PIK3C3: variants seen among roughly 807,000 people sequenced by gnomAD.
The protein encoded by PIK3C3 is PI3-kinase type 3.
A neutral mutation model predicts 126.1 loss-of-function variants in PIK3C3; 95 were observed. The ratio of observed to expected loss-of-function variants is 0.75; its 90% confidence interval spans 0.64 to 0.89. PIK3C3 has a LOEUF of 0.89. Ranked by LOEUF, PIK3C3 falls within the 40% of genes least tolerant of loss-of-function variation. The probability of loss-of-function intolerance (pLI) is 0.00; values close to 1 mark genes in which losing one functional copy is unlikely to be tolerated. For missense variants in PIK3C3, 829 were observed against 1,063.2 expected (o/e 0.78, Z 3.06); for synonymous variants, 374 against 360.0 (o/e 1.04, Z -0.44).
chr18:41,976,241 C>T (rs1980915217), intron 4 of PIK3C3, among the ~76,000 whole-genome samples: 1 of 152,026 alleles, frequency 6.6e-6, no homozygotes, highest in Admixed American at 6.5e-5. Flanking sequence ...TCTATTGCAT[C>T]AAATGGGTAC....
In PIK3C3 at chr18:42,049,623, CCAGTAGACATA is replaced by C; in HGVS notation, c.2263+21_2263+31del. The C allele has an allele frequency of 6.4e-7, 1 of 1,553,746 alleles. No homozygotes were observed. The highest frequency in any genetic ancestry group is 8.9e-7 in the Non-Finnish European group (1 of 1,125,092). ...AAAAACAGGTAACAATTAATGACTA[CCAGTAGACATA>C]CATTGTATATGCCCATGGTTTTTAC... On this transcript the variant is annotated intron_variant, in intron 21 of 24. Transcript: ENST00000262039.
intron 9 of PIK3C3, among the ~76,000 whole-genome samples, chr18:41,999,847 A>G (rs143021208): frequency 8.1e-4 from 123 of 152,174 alleles, no homozygotes; most frequent in Admixed American, 2.2e-3. Context: ...AGCATTTTTT[A>G]TTTGGTGGTC....
chr18:42,013,006 T>G (rs913847545), intron 10 of PIK3C3, among the ~76,000 whole-genome samples: 7 of 152,152 alleles, frequency 4.6e-5, no homozygotes, highest in Non-Finnish European at 1.0e-4. Context: ...AATTTGGAAT[T>G]TCTTGTGTAA....
At position 42,025,843 on chromosome 18, in the gene PIK3C3, G is replaced by A. The variant is rs374431953; in HGVS notation, c.1485-1600G>A. The A allele has an allele frequency of 2.6e-5, 4 of 152,104 alleles. No individual in the cohort carries two copies. The East Asian group carries it at 7.7e-4, about 29-fold the overall frequency. The allele number at this position is 152,104 out of a possible 1,614,324, so 9.4% of individuals were successfully genotyped here. A position where few individuals can be genotyped will look rare whatever the true frequency, so the allele number is the denominator to read the frequency against. On this transcript the variant is annotated intron_variant, in intron 13 of 24. Coordinates refer to ENST00000262039, the MANE Select transcript of PIK3C3 (RefSeq NM_002647.4). ...AGATAGTAGCTAAATCCACAAGAGT[G>A]GAATTATTCATTCAACAGTAATGTA...
At chr18:42,016,409 T>C (rs942268337) in intron 12 of PIK3C3, among the ~76,000 whole-genome samples, 1 of 152,200 alleles carries the variant, frequency 6.6e-6, no homozygotes, top group Non-Finnish European at 1.5e-5. Context: ...AGCTAAGATA[T>C]TGATTCATTG....
intron 1 of PIK3C3, chr18:41,955,575 C>T: frequency 2.0e-6 from 1 of 497,686 alleles, no homozygotes; most frequent in African/African-American, 2.0e-5. Flanking sequence ...GTGAGAAGCA[C>T]AGCAGTAGGA....
intron 24 of PIK3C3, among the ~76,000 whole-genome samples, chr18:42,076,144 GCGCATA>G (rs1568013717): frequency 1.0e-4 from 2 of 19,050 alleles, no homozygotes; most frequent in African/African-American, 6.8e-4. Flanking sequence ...ATATATATAT[GCGCATA>G]TATATATATA....
chr18:41,990,569 A>G lies in PIK3C3; in HGVS notation c.714+15A>G. 7.2e-7 allele frequency: 1 copy of G among 1,395,980 alleles called. No homozygotes were observed. The highest frequency in any genetic ancestry group is 1.0e-6 in the Non-Finnish European group (1 of 984,872). The allele number at this position is 1,395,980 out of a possible 1,614,324, so 86.5% of individuals were successfully genotyped here. ...ATTATGAAAAGGTATTTCCCTTGGAACTGTTTTTGGTCTCTAAAGTAGAGG... is the reference window on the plus strand; with the variant it reads ...ATTATGAAAAGGTATTTCCCTTGGAGCTGTTTTTGGTCTCTAAAGTAGAGG... On this transcript the variant is annotated intron_variant, in intron 6 of 24. Coordinates refer to ENST00000262039, the MANE Select transcript of PIK3C3 (RefSeq NM_002647.4).
intron 10 of PIK3C3, among the ~76,000 whole-genome samples, chr18:42,006,115 A>G (rs1982530532): frequency 6.6e-6 from 1 of 151,220 alleles, no homozygotes; most frequent in Admixed American, 6.6e-5. Context: ...GCTAGATGAA[A>G]TGATAATTTG....
rs1468448348 is a variant in PIK3C3 at position 42,015,507 on chromosome 18, G to A, written c.1357G>A (p.Val453Ile). 4.3e-6 allele frequency: 7 copies of A among 1,613,504 alleles called. No homozygotes were observed. The highest frequency in any genetic ancestry group is 1.7e-4 in the Middle Eastern group (1 of 6,060). Residue 453 changes from valine (V) to isoleucine (I), a missense_variant, in exon 12 of 25, where the codon GTC (valine) becomes ATC (isoleucine). Coordinates refer to ENST00000262039, the MANE Select transcript of PIK3C3 (RefSeq NM_002647.4). ...AATTATAACCAGCCCCCTTCCTTCA[G>A]TCTCTTCACCTCCTCCTGCATCAAA... Reference protein sequence around the residue: ...SQIITSPLPSVSSPPPASKTK... With the variant: ...SQIITSPLPSISSPPPASKTK...
chr18:42,051,875 A>C (rs1984819006), intron 21 of PIK3C3, among the ~76,000 whole-genome samples: 1 of 152,138 alleles, frequency 6.6e-6, no homozygotes, highest in East Asian at 1.9e-4. Flanking sequence ...AATAATGCTA[A>C]ATGACGAGTT....
chr18:42,029,406 G>C lies in PIK3C3; in HGVS notation c.1672G>C (p.Ala558Pro), dbSNP rs1257964078. 1.9e-6 allele frequency: 3 copies of C among 1,612,716 alleles called. No homozygotes were observed. In the South Asian group the frequency reaches 3.3e-5, roughly 18 times the overall value. Residue 558 changes from alanine to proline, a missense_variant, in exon 15 of 25, where the codon GCA becomes CCA. This residue lies in a region of PIK3C3 where 256 missense variants were observed against 291.0 expected (regional missense o/e 0.88). Transcript: ENST00000262039. ...FVDRLVHLMK[A>P]VQRESGNRKK... ...AGATCGGTTGGTGCATCTAATGAAG[G>C]CAGTACAACGCGAAAGTGGAAATCG...
intron 16 of PIK3C3, among the ~76,000 whole-genome samples, chr18:42,037,002 T>C (rs1275364330): frequency 6.6e-6 from 1 of 152,162 alleles, no homozygotes; most frequent in Non-Finnish European, 1.5e-5. Flanking sequence ...TACTTTCAGT[T>C]TATGTGTGTA....
chr18:42,073,344 T>C (rs1466644020), intron 24 of PIK3C3, among the ~76,000 whole-genome samples: 1 of 152,112 alleles, frequency 6.6e-6, no homozygotes, highest in Non-Finnish European at 1.5e-5. Context: ...AATTCAACTG[T>C]GATATATTTG....
intron 24 of PIK3C3, among the ~76,000 whole-genome samples, chr18:42,079,946 A>AGTGTGTGTGTGTGT (rs6146278): frequency 7.3e-6 from 1 of 137,130 alleles, no homozygotes; most frequent in Non-Finnish European, 1.6e-5. Context: ...CCAACTTTTG[A>AGTGTGTGTGTGTGT]GTGTGTGTGT....
At chr18:42,006,763 C>G (rs1300467622) in intron 10 of PIK3C3, among the ~76,000 whole-genome samples, 1 of 149,808 alleles carries the variant, frequency 6.7e-6, no homozygotes, top group Non-Finnish European at 1.5e-5. Flanking sequence ...CATTGGGCCT[C>G]TTTTATAGGC....
chr18:42,048,995 CTTTGCCT>C (rs1984677836), intron 20 of PIK3C3, among the ~76,000 whole-genome samples: 1 of 152,154 alleles, frequency 6.6e-6, no homozygotes, highest in Non-Finnish European at 1.5e-5. Context: ...GAGCCAATGT[CTTTGCCT>C]TTAGCCTTGA....
chr18:41,958,729 ATG>A (rs930095176), intron 2 of PIK3C3, among the ~76,000 whole-genome samples: 22 of 152,260 alleles, frequency 1.4e-4, no homozygotes, highest in African/African-American at 5.1e-4. Flanking sequence ...GTATATAGAT[ATG>A]TGTGTATGTG....
chr18:42,043,849 TC>T (rs1555638577), intron 20 of PIK3C3, 32 bp downstream of exon 20: 1 of 1,462,772 alleles, frequency 6.8e-7, no homozygotes, highest in Non-Finnish European at 9.6e-7. Flanking sequence ...TTTCCATTGA[TC>T]AGATAAAGAA....
Sources: gnomAD v4.1 joint callset for allele counts (sites outside exome capture counted in the v4.1 genomes callset) on GRCh38, gnomAD v4.1.1 for gene constraint, gnomAD v4.1.1 regional missense constraint, MANE v1.5 for transcripts, NCBI Gene and HGNC (gene_info 2026-07-23, HGNC 2026-07-21) for gene names.